LRRC4C: variants seen among roughly 807,000 people sequenced by gnomAD.
The protein encoded by LRRC4C is leucine rich repeat containing 4C, also known as leucine-rich repeat-containing protein 4C.
Under a neutral mutation model 33.6 loss-of-function variants are expected in LRRC4C, and 5 were observed. The observed-to-expected ratio is 0.15, with a 90% CI of 0.08 to 0.31. The LOEUF (loss-of-function observed/expected upper bound fraction) is 0.31, where lower values mean the gene tolerates loss of function less well. Among genes scored for constraint, LRRC4C ranks in the 10% least tolerant of loss-of-function variants. The probability of loss-of-function intolerance (pLI) is 1.00; values close to 1 mark genes in which losing one functional copy is unlikely to be tolerated. For synonymous variants in LRRC4C, 329 were observed against 302.0 expected, an observed-to-expected ratio of 1.09 and a Z score of -0.93; for missense variants, 560 against 796.7, an observed-to-expected ratio of 0.70 and a Z score of 3.58.
At chr11:40,229,947 G>A (rs1324633425) in intron 5 of LRRC4C, among the ~76,000 whole-genome samples, 1 of 152,192 alleles carries the variant, frequency 6.6e-6, no homozygotes, top group Non-Finnish European at 1.5e-5. Flanking sequence ...TTATCGTGAT[G>A]TTTGTGATAT....
intron 1 of LRRC4C, among the ~76,000 whole-genome samples, chr11:40,993,132 T>G (rs1853700667): frequency 6.6e-6 from 1 of 152,202 alleles, no homozygotes; most frequent in African/African-American, 2.4e-5. Context: ...ATATTTTCAT[T>G]GCTTTTGTAT....
At chr11:40,388,052 TCTGATTTTTC>T (rs1949181058) in intron 3 of LRRC4C, among the ~76,000 whole-genome samples, 1 of 152,136 alleles carries the variant, frequency 6.6e-6, no homozygotes, top group Admixed American at 6.6e-5. Context: ...CAACCCTTGA[TCTGATTTTTC>T]ATATGTAGTA....
chr11:40,571,946 G>A lies in LRRC4C; in HGVS notation c.-270+76196C>T, dbSNP rs144230321. Among the ~76,000 whole-genome samples, 134 of 152,268 alleles carry A rather than the reference G, an allele frequency of 8.8e-4. 4 individuals carry two copies. In the East Asian group the frequency reaches 0.023, roughly 26 times the overall value. On this transcript the variant is annotated intron_variant, in intron 3 of 6. Coordinates refer to ENST00000528697, the MANE Select transcript of LRRC4C (RefSeq NM_001258419.2). ...GGTAGGTGAATGCTTCCTGGATGCA[G>A]CAGATTACTTCCTCTTAACCTCTAC...
At chr11:40,451,349 C>A (rs1401759889) in intron 3 of LRRC4C, among the ~76,000 whole-genome samples, 1 of 139,368 alleles carries the variant, frequency 7.2e-6, no homozygotes, top group Non-Finnish European at 1.5e-5. Context: ...TTACTATTAG[C>A]CTTACAGAAA....
At chr11:40,643,944 A>T (rs575658783) in intron 3 of LRRC4C, among the ~76,000 whole-genome samples, 3 of 152,306 alleles carry the variant, frequency 2.0e-5, no homozygotes, top group Admixed American at 2.0e-4. Context: ...TCTAGGTTTC[A>T]ACTGCAAACT....
At chr11:40,595,537 T>G (rs1959217385) in intron 3 of LRRC4C, among the ~76,000 whole-genome samples, 1 of 152,090 alleles carries the variant, frequency 6.6e-6, no homozygotes, top group Non-Finnish European at 1.5e-5. Flanking sequence ...TCCTCTTTCT[T>G]CTCTTTCCCT....
At chr11:40,293,605 AAAAG>A (rs1353007573) in intron 4 of LRRC4C, 1 of 152,282 alleles carries the variant, frequency 6.6e-6, no homozygotes, top group Non-Finnish European at 1.5e-5. Flanking sequence ...CACACACGAA[AAAAG>A]AAAGAAAAAA....
chr11:40,676,946 C>T (rs1334414610), intron 2 of LRRC4C, among the ~76,000 whole-genome samples: 1 of 152,104 alleles, frequency 6.6e-6, no homozygotes, highest in Non-Finnish European at 1.5e-5. Context: ...CAATGAAAAA[C>T]ATCAGGAGAA....
intron 1 of LRRC4C, among the ~76,000 whole-genome samples, chr11:41,373,855 T>C (rs1489898142): frequency 6.6e-6 from 1 of 152,226 alleles, no homozygotes; most frequent in Non-Finnish European, 1.5e-5. Flanking sequence ...TTGTACTTAA[T>C]GAGATCTTAC....
At chr11:40,870,351 T>A (rs1649837794) in intron 2 of LRRC4C, among the ~76,000 whole-genome samples, 1 of 152,252 alleles carries the variant, frequency 6.6e-6, no homozygotes, top group Non-Finnish European at 1.5e-5. Context: ...GAGGATAGTA[T>A]GTACCTGGTA....
intron 3 of LRRC4C, among the ~76,000 whole-genome samples, chr11:40,471,197 C>T (rs190901065): frequency 2.5e-4 from 38 of 152,288 alleles, no homozygotes; most frequent in African/African-American, 8.4e-4. Flanking sequence ...TCTGCAAAAA[C>T]CCTACAAGCC....
At chr11:41,180,615 C>T (rs1256097665) in intron 1 of LRRC4C, among the ~76,000 whole-genome samples, 1 of 152,134 alleles carries the variant, frequency 6.6e-6, no homozygotes. Flanking sequence ...ACGTGCATGA[C>T]TTACTATGCC....
intron 1 of LRRC4C, among the ~76,000 whole-genome samples, chr11:41,083,154 G>A (rs1262297002): frequency 6.6e-6 from 1 of 151,954 alleles, no homozygotes; most frequent in African/African-American, 2.4e-5. Flanking sequence ...AGCAACTTGT[G>A]AAAATAATCT....
chr11:40,342,342 A>G (rs1467687453), intron 3 of LRRC4C, among the ~76,000 whole-genome samples: 4 of 151,986 alleles, frequency 2.6e-5, no homozygotes, highest in African/African-American at 9.7e-5. Context: ...GGTGGTGCGC[A>G]CCTCTAGTCC....
chr11:41,152,572 G>T (rs1944046898), intron 1 of LRRC4C, among the ~76,000 whole-genome samples: 1 of 152,098 alleles, frequency 6.6e-6, no homozygotes, highest in African/African-American at 2.4e-5. Context: ...CAGAAAAAAA[G>T]CTATAAAAGT....
At chr11:40,672,456 C>T (rs1307254663) in intron 2 of LRRC4C, among the ~76,000 whole-genome samples, 1 of 152,126 alleles carries the variant, frequency 6.6e-6, no homozygotes, top group Admixed American at 6.5e-5. Context: ...AAGTTAATAA[C>T]AGCTAGTATT....
chr11:41,007,640 G>A (rs355245), intron 1 of LRRC4C, among the ~76,000 whole-genome samples: 89,238 of 151,872 alleles, frequency 0.59, 26,450 homozygotes, highest in South Asian at 0.64. Context: ...TGATGTCATT[G>A]AACAGGTGAT....
intron 4 of LRRC4C, among the ~76,000 whole-genome samples, chr11:40,261,893 G>A (rs944594442): frequency 6.6e-6 from 1 of 152,114 alleles, no homozygotes; most frequent in Non-Finnish European, 1.5e-5. Flanking sequence ...GAAAACCTAG[G>A]CAATACCATT....
intron 1 of LRRC4C, among the ~76,000 whole-genome samples, chr11:41,092,619 A>G (rs989825322): frequency 2.6e-5 from 4 of 152,218 alleles, no homozygotes; most frequent in African/African-American, 9.6e-5. Flanking sequence ...AAAGAAACCA[A>G]TGATGCTGCC....
Sources: allele counts gnomAD v4.1 joint callset (sites outside exome capture counted in the v4.1 genomes callset), GRCh38; gene constraint gnomAD v4.1.1; transcripts MANE v1.5; gene names NCBI Gene and HGNC (gene_info 2026-07-23, HGNC 2026-07-21).